The following PCSK6 variants were observed in gnomAD, a reference collection of about 807,000 sequenced individuals.
PCSK6 encodes the protein proprotein convertase subtilisin/kexin type 6, also known as paired basic amino acid cleaving enzyme 4.
A neutral mutation model predicts 123.3 loss-of-function variants in PCSK6; 85 were observed. The ratio of observed to expected loss-of-function variants is 0.69; its 90% confidence interval spans 0.58 to 0.83. The LOEUF is 0.83. Ranked by LOEUF, PCSK6 falls within the 40% of genes least tolerant of loss-of-function variation. The pLI is 0.00. For synonymous variants in PCSK6, 508 were observed against 516.0 expected (o/e 0.98, Z 0.21); for missense variants, 1,191 against 1,282.3 (o/e 0.93, Z 1.09).
At chr15:101,360,688 C>A (rs2041194694) in intron 13 of PCSK6, among the ~76,000 whole-genome samples, 1 of 137,124 alleles carries the variant, frequency 7.3e-6, no homozygotes, top group Non-Finnish European at 1.6e-5. Flanking sequence ...GCCTTAGCAT[C>A]CCCTGGAACA....
intron 11 of PCSK6, among the ~76,000 whole-genome samples, chr15:101,375,114 G>A (rs1327603446): frequency 2.0e-5 from 3 of 152,026 alleles, no homozygotes; most frequent in African/African-American, 4.8e-5. Flanking sequence ...CACCATGCCC[G>A]GCCAATGTTT....
chr15:101,435,762 T>C (rs999908005), intron 2 of PCSK6, among the ~76,000 whole-genome samples: 1 of 152,212 alleles, frequency 6.6e-6, no homozygotes, highest in African/African-American at 2.4e-5. Context: ...CCGTTGACTG[T>C]CCCTCTGTTG....
intron 8 of PCSK6, among the ~76,000 whole-genome samples, chr15:101,391,545 T>G (rs1179488512): frequency 6.6e-6 from 1 of 152,202 alleles, no homozygotes; most frequent in Non-Finnish European, 1.5e-5. Flanking sequence ...GAGAGATGCT[T>G]TCTTTAGGTT....
chr15:101,429,931 T>C (rs1263746837), intron 5 of PCSK6, 56 bp downstream of exon 5: 7 of 1,417,582 alleles, frequency 4.9e-6, no homozygotes, highest in East Asian at 2.3e-5. Context: ...ACACATTCAA[T>C]AGTGACGCTG....
intron 2 of PCSK6, among the ~76,000 whole-genome samples, chr15:101,442,355 A>T (rs28457770): frequency 0.023 from 3,469 of 152,142 alleles, 117 homozygotes; most frequent in African/African-American, 0.078. Flanking sequence ...CACCTATAAA[A>T]CCAATCCAGA....
intron 11 of PCSK6, among the ~76,000 whole-genome samples, chr15:101,374,468 C>T (rs911099507): frequency 2.0e-5 from 3 of 152,178 alleles, no homozygotes; most frequent in Admixed American, 1.3e-4. Context: ...TCCTTGAAGC[C>T]CTCTCCCCAG....
chr15:101,485,736 C>T (rs994384575), intron 1 of PCSK6, among the ~76,000 whole-genome samples: 5 of 152,178 alleles, frequency 3.3e-5, no homozygotes, highest in African/African-American at 1.2e-4. Flanking sequence ...ACTGTCGTTA[C>T]CACAACTCCC....
intron 9 of PCSK6, among the ~76,000 whole-genome samples, chr15:101,386,065 T>C (rs1365257407): frequency 6.6e-6 from 1 of 151,332 alleles, no homozygotes; most frequent in Non-Finnish European, 1.5e-5. Context: ...GGGATGCAGG[T>C]GACCAGAAGC....
intron 1 of PCSK6, among the ~76,000 whole-genome samples, chr15:101,449,904 C>T (rs2056989062): frequency 6.6e-6 from 1 of 152,136 alleles, no homozygotes; most frequent in Admixed American, 6.5e-5. Flanking sequence ...CACGTGGCCC[C>T]ATAATGGCTG....
chr15:101,457,184 A>G (rs2057208962), intron 1 of PCSK6, among the ~76,000 whole-genome samples: 1 of 151,606 alleles, frequency 6.6e-6, no homozygotes, highest in Non-Finnish European at 1.5e-5. Context: ...AAATAAATAA[A>G]TAAATAAAAA....
chr15:101,422,736 C>G (rs894986621), intron 6 of PCSK6, among the ~76,000 whole-genome samples: 1 of 152,128 alleles, frequency 6.6e-6, no homozygotes, highest in Non-Finnish European at 1.5e-5. Context: ...ATTCTCCTGC[C>G]TCAGCCTCCC....
intron 6 of PCSK6, among the ~76,000 whole-genome samples, chr15:101,419,794 G>T (rs1054740043): frequency 6.6e-6 from 1 of 152,042 alleles, no homozygotes; most frequent in African/African-American, 2.4e-5. Flanking sequence ...TGGGGATCTA[G>T]GATGTGATGA....
intron 11 of PCSK6, among the ~76,000 whole-genome samples, chr15:101,373,803 C>T (rs550035456): frequency 5.3e-5 from 8 of 152,320 alleles, no homozygotes; most frequent in East Asian, 1.9e-4. Flanking sequence ...AAATGCAAGT[C>T]GACTGCCAAG....
At chr15:101,461,625 G>A (rs1024859406) in intron 1 of PCSK6, among the ~76,000 whole-genome samples, 46 of 151,630 alleles carry the variant, frequency 3.0e-4, no homozygotes, top group African/African-American at 1.0e-3. Context: ...ATTCAGCAAC[G>A]AGGAAGAAAG....
chr15:101,364,153 A>G (rs1596236893), intron 13 of PCSK6, among the ~76,000 whole-genome samples: 1 of 152,128 alleles, frequency 6.6e-6, no homozygotes, highest in Non-Finnish European at 1.5e-5. Context: ...GAAAAGAACC[A>G]GGGCAGGGGA....
At chr15:101,313,002 C>T in intron 20 of PCSK6, 3 of 1,169,236 alleles carry the variant, frequency 2.6e-6, no homozygotes, top group Non-Finnish European at 3.2e-6. Flanking sequence ...GAGAGTGTGT[C>T]TCCAAAAAAA....
intron 20 of PCSK6, among the ~76,000 whole-genome samples, chr15:101,309,814 C>G (rs1203376114): frequency 6.6e-6 from 1 of 152,240 alleles, no homozygotes; most frequent in Admixed American, 6.5e-5. Context: ...TGGGTCCTCT[C>G]ACTAGGTCTT....
chr15:101,474,494 C>A (rs12900435), intron 1 of PCSK6, among the ~76,000 whole-genome samples: 32,662 of 152,208 alleles, frequency 0.21, 4,313 homozygotes, highest in Middle Eastern at 0.3. Context: ...TTTGAGCCAG[C>A]ATCCAATAAA....
intron 11 of PCSK6, among the ~76,000 whole-genome samples, chr15:101,377,022 A>C (rs1404882964): frequency 1.3e-5 from 2 of 152,268 alleles, no homozygotes; most frequent in Non-Finnish European, 2.9e-5. Flanking sequence ...GAGACAGCCC[A>C]AAGAAAACGA....
Sources: allele counts gnomAD v4.1 joint callset (sites outside exome capture counted in the v4.1 genomes callset), GRCh38; gene constraint gnomAD v4.1.1; transcripts MANE v1.5; gene names NCBI Gene and HGNC (gene_info 2026-07-23, HGNC 2026-07-21).